Variants in SHISA9 observed in about 807,000 individuals in gnomAD.
The protein encoded by SHISA9 is shisa family member 9.
In SHISA9, 13 loss-of-function variants were observed where a neutral mutation model predicts 38.0. That is an observed-to-expected ratio of 0.34 (90% confidence interval 0.22 to 0.54). SHISA9 has a LOEUF of 0.54. Ranked by LOEUF, SHISA9 falls within the 20% of genes least tolerant of loss-of-function variation. SHISA9 has a pLI of 0.91. For missense variants in SHISA9, 538 were observed against 575.8 expected, an observed-to-expected ratio of 0.93 and a Z score of 0.67; for synonymous variants, 275 against 242.0, an observed-to-expected ratio of 1.14 and a Z score of -1.27.
chr16:13,204,297 A>G lies in SHISA9; in HGVS notation c.847+748A>G, dbSNP rs572083594. 2.3e-4 allele frequency among the ~76,000 whole-genome samples: 35 copies of G among 152,200 alleles called. 2 individuals carry two copies. The highest frequency in any genetic ancestry group is 6.8e-3 in the Middle Eastern group (2 of 294). On this transcript the variant is annotated intron_variant, in intron 3 of 4. Transcript: ENST00000558583. ...CCTGGGACCCAGGTTTCTAAGGACC[A>G]GAGACCCTCAGCTGCTTTCTCTGAC...
the SHISA9 span, among the ~76,000 whole-genome samples, chr16:13,481,854 T>G: frequency 6.6e-6 from 1 of 152,160 alleles, no homozygotes; most frequent in Non-Finnish European, 1.5e-5. Context: ...AAAATTGAAG[T>G]GGAAATGAAT....
At chr16:12,992,480 C>T (rs376292101) in intron 2 of SHISA9, among the ~76,000 whole-genome samples, 41 of 152,024 alleles carry the variant, frequency 2.7e-4, no homozygotes, top group African/African-American at 9.4e-4. Flanking sequence ...TGCAGTGAGC[C>T]GAGGTTGTGC....
chr16:13,167,009 T>C (rs2050642036), intron 2 of SHISA9, among the ~76,000 whole-genome samples: 1 of 151,964 alleles, frequency 6.6e-6, no homozygotes, highest in Non-Finnish European at 1.5e-5. Flanking sequence ...AGATTTTTTT[T>C]CCTTTAGGAG....
At chr16:13,212,974 G>A (rs1470704260) in intron 3 of SHISA9, among the ~76,000 whole-genome samples, 2 of 152,158 alleles carry the variant, frequency 1.3e-5, no homozygotes, top group African/African-American at 2.4e-5. Context: ...TTATCTTTCT[G>A]CCTTACGTAA....
the SHISA9 span, among the ~76,000 whole-genome samples, chr16:13,264,169 T>C: frequency 2.1e-5 from 3 of 140,588 alleles, no homozygotes; most frequent in South Asian, 7.8e-4. Flanking sequence ...TTGTTTTAAA[T>C]CTTTTTTTTT....
intron 2 of SHISA9, among the ~76,000 whole-genome samples, chr16:12,994,366 A>T (rs750474665): frequency 5.3e-5 from 8 of 152,188 alleles, no homozygotes; most frequent in Non-Finnish European, 1.0e-4. Context: ...CTCTCCTTTG[A>T]AAGACACTTC....
At chr16:12,916,615 G>T in intron 1 of SHISA9, 73 bp from the exon 2 acceptor site, 1 of 1,494,930 alleles carries the variant, frequency 6.7e-7, no homozygotes, top group Non-Finnish European at 9.0e-7. Flanking sequence ...GTTCGCGACT[G>T]CAGTACTCGG....
At chr16:13,013,912 G>T (rs1278763227) in intron 2 of SHISA9, among the ~76,000 whole-genome samples, 1 of 152,066 alleles carries the variant, frequency 6.6e-6, no homozygotes, top group Admixed American at 6.6e-5. Context: ...TGTATTTTTA[G>T]TAGAGACGGG....
chr16:12,970,392 T>TATATATACAC (rs1567357001), intron 2 of SHISA9, among the ~76,000 whole-genome samples: 3 of 9,652 alleles, frequency 3.1e-4, no homozygotes, highest in African/African-American at 6.1e-4. Context: ...CATATATGTA[T>TATATATACAC]ATATATATAT....
intron 2 of SHISA9, among the ~76,000 whole-genome samples, chr16:13,178,494 G>T (rs1429163031): frequency 6.6e-6 from 1 of 152,082 alleles, no homozygotes; most frequent in African/African-American, 2.4e-5. Context: ...ACAGCAGATG[G>T]AGCTGGTGCC....
the SHISA9 span, among the ~76,000 whole-genome samples, chr16:13,362,351 C>T: frequency 6.6e-6 from 1 of 151,776 alleles, no homozygotes; most frequent in African/African-American, 2.4e-5. Context: ...TGACTCGAGC[C>T]CAGGGGATCG....
At position 13,235,285 on chromosome 16, in the gene SHISA9, G is replaced by GC; in HGVS notation, c.1152dup (p.Asn385GlnfsTer71). 1 of 1,551,522 alleles carries GC rather than the reference G, an allele frequency of 6.4e-7. No homozygotes were observed. Among genetic ancestry groups the GC allele is most frequent in the Non-Finnish European group, 8.7e-7 (1 of 1,147,024 alleles). On this transcript the variant is annotated frameshift_variant, in exon 5 of 5. Coordinates refer to ENST00000558583, the MANE Select transcript of SHISA9 (RefSeq NM_001145204.3). LOFTEE classifies it high-confidence loss of function. ...CAGTCCCTCCGGCGGCAGGCTTACA[G>GC]CAACAAGGGCAAGCTTGGCACGGCC...
chr16:12,947,869 C>T (rs575617137), intron 2 of SHISA9, among the ~76,000 whole-genome samples: 11 of 152,222 alleles, frequency 7.2e-5, no homozygotes, highest in African/African-American at 2.4e-4. Context: ...AAGTAGTGAC[C>T]GTTCCTTGAC....
chr16:13,268,377 G>T, the SHISA9 span, among the ~76,000 whole-genome samples: 1 of 152,158 alleles, frequency 6.6e-6, no homozygotes, highest in Non-Finnish European at 1.5e-5. Context: ...GGATGTGGTG[G>T]CACATGCCTG....
chr16:13,032,793 G>A (rs1038969597), intron 2 of SHISA9, among the ~76,000 whole-genome samples: 22 of 152,162 alleles, frequency 1.4e-4, no homozygotes, highest in African/African-American at 4.8e-4. Context: ...GCTGGAAGTC[G>A]ATAGAGATCT....
chr16:13,124,426 T>C (rs2050239350), intron 2 of SHISA9, among the ~76,000 whole-genome samples: 1 of 152,088 alleles, frequency 6.6e-6, no homozygotes. Context: ...CCAAGAAAGG[T>C]TGGACCTGTT....
chr16:13,431,610 A>G, the SHISA9 span, among the ~76,000 whole-genome samples: 3 of 152,224 alleles, frequency 2.0e-5, no homozygotes, highest in Admixed American at 6.5e-5. Flanking sequence ...TCCATTTTGT[A>G]GTTTACACGA....
chr16:12,986,297 C>G (rs1286890291), intron 2 of SHISA9, among the ~76,000 whole-genome samples: 2 of 152,082 alleles, frequency 1.3e-5, no homozygotes, highest in South Asian at 2.1e-4. Flanking sequence ...TTTCCTCTTT[C>G]CTTCCTTCCC....
At chr16:13,433,981 G>T in the SHISA9 span, among the ~76,000 whole-genome samples, 1 of 152,316 alleles carries the variant, frequency 6.6e-6, no homozygotes, top group African/African-American at 2.4e-5. Context: ...ATCACAAGGT[G>T]AGGTCCCATA....
Sources: gnomAD v4.1 joint callset for allele counts (sites outside exome capture counted in the v4.1 genomes callset) on GRCh38, gnomAD v4.1.1 for gene constraint, MANE v1.5 for transcripts, NCBI Gene and HGNC (gene_info 2026-07-23, HGNC 2026-07-21) for gene names.